The following ZCWPW2 variants were observed in gnomAD, a reference collection of about 807,000 sequenced individuals.
ZCWPW2 encodes zinc finger CW-type PWWP domain protein 2.
In ZCWPW2, 45 loss-of-function variants were observed where a neutral mutation model predicts 46.6. The observed-to-expected ratio is 0.96, with a 90% CI of 0.76 to 1.24. ZCWPW2 has a LOEUF of 1.24. Among genes scored for constraint, ZCWPW2 ranks in the 50% most tolerant of loss-of-function variants. The probability of loss-of-function intolerance (pLI) is 0.00; values close to 1 mark genes in which losing one functional copy is unlikely to be tolerated. For missense variants in ZCWPW2, 429 were observed against 403.9 expected (o/e 1.06, Z -0.53); for synonymous variants, 152 against 137.1 (o/e 1.11, Z -0.76).
At chr3:28,385,691 G>A (rs995403558) in intron 1 of ZCWPW2, among the ~76,000 whole-genome samples, 1 of 152,186 alleles carries the variant, frequency 6.6e-6, no homozygotes, top group African/African-American at 2.4e-5. Flanking sequence ...GCCATAGTTA[G>A]TTTCTATGGA....
chr3:28,405,021 C>A (rs1310180321), intron 2 of ZCWPW2, among the ~76,000 whole-genome samples: 1 of 151,942 alleles, frequency 6.6e-6, no homozygotes, highest in Non-Finnish European at 1.5e-5. Context: ...TCCCCAATAA[C>A]CAATGGAAAT....
At chr3:28,458,481 A>C (rs1698507314) in intron 4 of ZCWPW2, among the ~76,000 whole-genome samples, 1 of 152,180 alleles carries the variant, frequency 6.6e-6, no homozygotes, top group Non-Finnish European at 1.5e-5. Flanking sequence ...TGGACTGTAG[A>C]CATCAAATGA....
At chr3:28,478,986 GTTTTCCAAAATATGT>G in intron 5 of ZCWPW2, 55 bp downstream of exon 5, 1 of 1,165,252 alleles carries the variant, frequency 8.6e-7, no homozygotes, top group Non-Finnish European at 1.2e-6. Context: ...TCAAATGCAT[GTTTTCCAAAATATGT>G]TTGCTCATTC....
intron 2 of ZCWPW2, among the ~76,000 whole-genome samples, chr3:28,392,382 C>T (rs947645739): frequency 4.6e-5 from 7 of 152,216 alleles, no homozygotes; most frequent in Middle Eastern, 3.4e-3. Flanking sequence ...AATTTCAGTA[C>T]CCCACTTTCA....
At chr3:28,368,462 T>C (rs1169071469) in intron 1 of ZCWPW2, among the ~76,000 whole-genome samples, 1 of 152,208 alleles carries the variant, frequency 6.6e-6, no homozygotes, top group Non-Finnish European at 1.5e-5. Context: ...AAATTTCTTT[T>C]CTTTAAGAAT....
At chr3:28,474,624 C>T (rs60550165) in intron 4 of ZCWPW2, among the ~76,000 whole-genome samples, 1,407 of 104,726 alleles carry the variant, frequency 0.013, 22 homozygotes, top group African/African-American at 0.046. Context: ...TGTGTGTGCG[C>T]GCGCGCGCGC....
chr3:28,443,860 T>C lies in ZCWPW2; in HGVS notation c.492+8591T>C, dbSNP rs150456410. Among the ~76,000 whole-genome samples the C allele has an allele frequency of 2.5e-3, 385 of 152,248 alleles. 1 individual carries two copies. Among genetic ancestry groups the C allele is most frequent in the African/African-American group, 8.4e-3 (349 of 41,540 alleles). On this transcript the variant is annotated intron_variant, in intron 4 of 9. Transcript: ENST00000383768. ...GTGAAGGGTATATCTTCTGGACCCT[T>C]CCAGCTAGGATGAGTAGGTCTAAGT...
chr3:28,478,929 A>C lies in ZCWPW2; in HGVS notation c.608A>C (p.Gln203Pro). The change falls in exon 5 of 10, where the codon CAA (glutamine) becomes CCA (proline). Residue 203 changes from glutamine (Q) to proline (P), a missense_variant and splice_region_variant. Physicochemically the swap from Gln to Pro is moderately conservative, Grantham distance 76. Transcript: ENST00000383768. ...GAAATGTGCTGCCTATCAAAACTAC[A>C]AGGTGTATAAATATTTTTTCTTTAT... ...RLEMCCLSKLQDKSETHDKVA... is the reference protein window; with the variant it reads ...RLEMCCLSKLPDKSETHDKVA... The C allele has an allele frequency of 6.5e-7, 1 of 1,538,932 alleles. No individual in the cohort carries two copies. The highest frequency in any genetic ancestry group is 2.3e-5 in the East Asian group (1 of 42,734).
chr3:28,521,018 A>G lies in ZCWPW2; in HGVS notation c.811A>G (p.Lys271Glu). The G allele has an allele frequency of 6.2e-7, 1 of 1,613,582 alleles. No individual in the cohort carries two copies. The highest frequency in any genetic ancestry group is 8.5e-7 in the Non-Finnish European group (1 of 1,179,796). The change falls in exon 9 of 10, where the codon AAA becomes GAA. Residue 271 changes from lysine (K) to glutamate (E), a missense_variant. Coordinates refer to ENST00000383768, the MANE Select transcript of ZCWPW2 (RefSeq NM_001040432.4). Reference sequence around the variant, plus strand: ...TGTCTGTGAGACGGAAGTTTTACTAAAAGAGCTGGAGCAAATGCTGCAGCA... The same window carrying G: ...TGTCTGTGAGACGGAAGTTTTACTAGAAGAGCTGGAGCAAATGCTGCAGCA... Reference protein sequence around the residue: ...RVVCETEVLLKELEQMLQQAL... With the variant: ...RVVCETEVLLEELEQMLQQAL...
rs1553636395 is a variant in ZCWPW2, at chr3:28,436,332, T to TTC, written c.492+1064_492+1065insCT. Among the ~76,000 whole-genome samples, 516 of 146,092 alleles carry TTC rather than the reference T, an allele frequency of 3.5e-3. 17 individuals carry two copies. In the East Asian group the frequency reaches 0.08, roughly 23 times the overall value. On this transcript the variant is annotated intron_variant, in intron 4 of 9. Transcript: ENST00000383768. Reference sequence around the variant, plus strand: ...ATATTTTCTTTTTTTTCTTTTTTTTTTTTTTTTTTGTGATGGCCAGCCTTG... The same window carrying TTC: ...ATATTTTCTTTTTTTTCTTTTTTTTTTCTTTTTTTTTGTGATGGCCAGCCTTG...
intron 5 of ZCWPW2, among the ~76,000 whole-genome samples, chr3:28,489,664 GCGCGCA>G (rs962747575): frequency 8.6e-5 from 5 of 58,056 alleles, no homozygotes; most frequent in East Asian, 4.1e-4. Flanking sequence ...ACACACACAC[GCGCGCA>G]CACACACACA....
intron 3 of ZCWPW2, among the ~76,000 whole-genome samples, chr3:28,429,998 G>T (rs1697183882): frequency 6.6e-6 from 1 of 152,228 alleles, no homozygotes; most frequent in African/African-American, 2.4e-5. Flanking sequence ...GGAGAGTGCA[G>T]AAGGGAAATG....
intron 3 of ZCWPW2, among the ~76,000 whole-genome samples, chr3:28,417,162 A>T (rs1696618621): frequency 6.6e-6 from 1 of 151,996 alleles, no homozygotes; most frequent in South Asian, 2.1e-4. Flanking sequence ...AGACAAATAA[A>T]GAAGAAAAGA....
At chr3:28,447,502 C>T (rs1471912665) in intron 4 of ZCWPW2, among the ~76,000 whole-genome samples, 1 of 151,638 alleles carries the variant, frequency 6.6e-6, no homozygotes, top group African/African-American at 2.4e-5. Context: ...TGGAAGGCTA[C>T]TATCTCAACA....
intron 6 of ZCWPW2, among the ~76,000 whole-genome samples, chr3:28,498,757 G>T (rs931335402): frequency 1.3e-5 from 2 of 151,516 alleles, no homozygotes; most frequent in South Asian, 4.2e-4. Flanking sequence ...CCATCAACCC[G>T]TCATCTACAT....
chr3:28,518,867 G>A (rs761527212), intron 8 of ZCWPW2, among the ~76,000 whole-genome samples: 1 of 152,138 alleles, frequency 6.6e-6, no homozygotes, highest in Non-Finnish European at 1.5e-5. Flanking sequence ...AAATAACCAT[G>A]AGCAGTCATC....
intron 9 of ZCWPW2, among the ~76,000 whole-genome samples, chr3:28,523,137 T>A (rs1208115039): frequency 6.6e-6 from 1 of 152,152 alleles, no homozygotes; most frequent in Non-Finnish European, 1.5e-5. Context: ...TTTTAGATTG[T>A]TGTATTATTT....
intron 4 of ZCWPW2, among the ~76,000 whole-genome samples, chr3:28,435,755 GGATTACAGGCGT>G (rs1344705603): frequency 1.3e-5 from 2 of 151,984 alleles, no homozygotes; most frequent in Non-Finnish European, 2.9e-5. Context: ...GAAAGTGCTG[GGATTACAGGCGT>G]GAGCCACTGC....
At chr3:28,487,990 A>G (rs954895057) in intron 5 of ZCWPW2, among the ~76,000 whole-genome samples, 2 of 152,158 alleles carry the variant, frequency 1.3e-5, no homozygotes. Context: ...GGCCTTGCTA[A>G]GAAGTACAGA....
Sources: gnomAD v4.1 joint callset for allele counts (sites outside exome capture counted in the v4.1 genomes callset) on GRCh38, gnomAD v4.1.1 for gene constraint, MANE v1.5 for transcripts, NCBI Gene and HGNC (gene_info 2026-07-23, HGNC 2026-07-21) for gene names.